The following AK8 variants were observed in gnomAD, a reference collection of about 807,000 sequenced individuals.
The protein encoded by AK8 is adenylate kinase 8.
AK8 carries 44 observed loss-of-function variants against 54.6 expected under a neutral mutation model. The ratio of observed to expected loss-of-function variants is 0.81; its 90% CI spans 0.63 to 1.04. The LOEUF (loss-of-function observed/expected upper bound fraction) is 1.04, where lower values mean the gene tolerates loss of function less well. Ranked by LOEUF, AK8 falls within the 50% of genes least tolerant of loss-of-function variation. The pLI, the probability that AK8 is intolerant of heterozygous loss-of-function variation, is 0.00. For missense variants in AK8, 555 were observed against 613.6 expected (o/e 0.90, Z 1.01); for synonymous variants, 239 against 245.6 (o/e 0.97, Z 0.25).
chr9:132,785,144 G>A (rs754279864), intron 11 of AK8, among the ~76,000 whole-genome samples: 102 of 145,832 alleles, frequency 7.0e-4, no homozygotes, highest in Non-Finnish European at 1.2e-3. Flanking sequence ...TTGCTCTGTC[G>A]CCCAGGCTGG....
chr9:132,868,773 C>T (rs981388244), intron 2 of AK8, among the ~76,000 whole-genome samples: 1 of 152,198 alleles, frequency 6.6e-6, no homozygotes, highest in Non-Finnish European at 1.5e-5. Flanking sequence ...ATCCCCATCT[C>T]GTCCTATGGT....
chr9:132,753,932 G>A (rs997923565), intron 11 of AK8, among the ~76,000 whole-genome samples: 2 of 152,216 alleles, frequency 1.3e-5, no homozygotes, highest in East Asian at 3.8e-4. Context: ...TGCAGAAGGA[G>A]CCCTCCAGGT....
At chr9:132,806,802 A>T (rs111828621) in intron 10 of AK8, among the ~76,000 whole-genome samples, 4 of 152,050 alleles carry the variant, frequency 2.6e-5, no homozygotes, top group Non-Finnish European at 5.9e-5. Flanking sequence ...CATCATCCCA[A>T]TTGGGGGCTG....
At chr9:132,775,942 CA>C (rs1006357382) in intron 11 of AK8, among the ~76,000 whole-genome samples, 4 of 152,206 alleles carry the variant, frequency 2.6e-5, no homozygotes, top group African/African-American at 9.6e-5. Flanking sequence ...GTCACTGCTT[CA>C]AAAGTAATTG....
intron 8 of AK8, among the ~76,000 whole-genome samples, chr9:132,823,818 T>C (rs1841759625): frequency 6.6e-6 from 1 of 152,200 alleles, no homozygotes; most frequent in South Asian, 2.1e-4. Context: ...AGACACAGGC[T>C]TTGATAAACG....
chr9:132,745,675 T>G (rs1590186218), intron 11 of AK8, among the ~76,000 whole-genome samples: 1 of 150,898 alleles, frequency 6.6e-6, no homozygotes. Context: ...GGAGGGGAGG[T>G]CCACAGCCCC....
intron 11 of AK8, among the ~76,000 whole-genome samples, chr9:132,774,830 T>C (rs7027544): frequency 0.16 from 24,284 of 152,114 alleles, 2,036 homozygotes; most frequent in Admixed American, 0.21. Flanking sequence ...GGAAGGCATG[T>C]TTATCTTCTC....
chr9:132,767,753 C>T (rs892837430), intron 11 of AK8, among the ~76,000 whole-genome samples: 7 of 152,260 alleles, frequency 4.6e-5, no homozygotes, highest in Admixed American at 1.3e-4. Flanking sequence ...GGTATATATA[C>T]ACAATGAAGT....
At chr9:132,859,904 G>C (rs1373175836) in intron 4 of AK8, among the ~76,000 whole-genome samples, 1 of 152,154 alleles carries the variant, frequency 6.6e-6, no homozygotes, top group African/African-American at 2.4e-5. Context: ...ACTACTGTGG[G>C]AAGAAAAGGT....
chr9:132,824,474 C>G (rs1010177576), intron 8 of AK8, among the ~76,000 whole-genome samples: 1 of 152,192 alleles, frequency 6.6e-6, no homozygotes, highest in African/African-American at 2.4e-5. Flanking sequence ...AGGAACCAGG[C>G]AGGTTCCTCA....
At chr9:132,856,143 C>T (rs1357551412) in intron 4 of AK8, among the ~76,000 whole-genome samples, 1 of 152,130 alleles carries the variant, frequency 6.6e-6, no homozygotes, top group African/African-American at 2.4e-5. Context: ...ACAACAGGGG[C>T]TAAAAATCTC....
chr9:132,775,099 G>A (rs930642572), intron 11 of AK8, among the ~76,000 whole-genome samples: 2 of 151,564 alleles, frequency 1.3e-5, no homozygotes, highest in Non-Finnish European at 2.9e-5. Flanking sequence ...TGTTTACCCA[G>A]AATGCTGTGC....
intron 10 of AK8, among the ~76,000 whole-genome samples, chr9:132,797,476 T>A (rs1840227849): frequency 6.6e-6 from 1 of 152,112 alleles, no homozygotes; most frequent in Admixed American, 6.5e-5. Context: ...TCTCAGTCGT[T>A]CCATTCATCT....
At chr9:132,794,787 G>A (rs928798320) in intron 10 of AK8, among the ~76,000 whole-genome samples, 2 of 152,196 alleles carry the variant, frequency 1.3e-5, no homozygotes, top group Non-Finnish European at 2.9e-5. Context: ...GACAGAACAT[G>A]GGCTTGGGGC....
At position 132,804,627 on chromosome 9, in the gene AK8, C is replaced by G. The variant is rs56232544; in HGVS notation, c.979+10011G>C. On this transcript the variant is annotated intron_variant, in intron 10 of 12. Transcript: ENST00000298545. Reference sequence around the variant, plus strand: ...GAAGTCTCTTCCCTCGCCTCTCCCCCTCCCGTGTCCCTCTGCTCCCATCTT... The same window carrying G: ...GAAGTCTCTTCCCTCGCCTCTCCCCGTCCCGTGTCCCTCTGCTCCCATCTT... 5.8e-4 allele frequency among the ~76,000 whole-genome samples: 89 copies of G among 152,296 alleles called. 1 individual carries two copies. The East Asian group carries it at 0.014, about 23-fold the overall frequency.
At chr9:132,832,936 G>C (rs1380070398) in intron 5 of AK8, among the ~76,000 whole-genome samples, 2 of 152,196 alleles carry the variant, frequency 1.3e-5, no homozygotes, top group African/African-American at 4.8e-5. Flanking sequence ...GGTCTGCTCT[G>C]AGCTGGGGAA....
chr9:132,784,591 G>T (rs960964289), intron 11 of AK8, among the ~76,000 whole-genome samples: 1 of 152,130 alleles, frequency 6.6e-6, no homozygotes, highest in African/African-American at 2.4e-5. Flanking sequence ...AACACATCTG[G>T]CAAGATGTCA....
chr9:132,726,028 A>G, intron 12 of AK8, 103 bp from the exon 13 acceptor site: 1 of 944,562 alleles, frequency 1.1e-6, no homozygotes, highest in South Asian at 1.6e-5. Flanking sequence ...TGTCCTGGCC[A>G]CCACCACCAT....
chr9:132,795,390 G>T (rs1390910270), intron 10 of AK8, among the ~76,000 whole-genome samples: 1 of 152,162 alleles, frequency 6.6e-6, no homozygotes, highest in Non-Finnish European at 1.5e-5. Context: ...GAACTGGGGC[G>T]TGGGGAGCCA....
Sources: allele counts gnomAD v4.1 joint callset (sites outside exome capture counted in the v4.1 genomes callset), GRCh38; gene constraint gnomAD v4.1.1; transcripts MANE v1.5; gene names NCBI Gene and HGNC (gene_info 2026-07-23, HGNC 2026-07-21).